UGT1A7: variants seen among roughly 807,000 people sequenced by gnomAD.
The protein encoded by UGT1A7 is UDP glucuronosyltransferase family 1 member A7, also known as UDP-glucuronosyltransferase 1A7.
UGT1A7 carries 33 observed loss-of-function variants against 45.6 expected under a neutral mutation model. The ratio of observed to expected loss-of-function variants is 0.72; its 90% CI spans 0.55 to 0.97. The LOEUF (loss-of-function observed/expected upper bound fraction) is 0.97, where lower values mean the gene tolerates loss of function less well. UGT1A7 is among the 50% of genes least tolerant of loss of function. The pLI, the probability that UGT1A7 is intolerant of heterozygous loss-of-function variation, is 0.00. For synonymous variants in UGT1A7, 274 were observed against 250.6 expected, an observed-to-expected ratio of 1.09 and a Z score of -0.88; for missense variants, 684 against 666.2, an observed-to-expected ratio of 1.03 and a Z score of -0.29.
In UGT1A7 at chr2:233,700,061, GGT is replaced by G. The variant is rs1575467362; in HGVS notation, c.855+17272_855+17273del. On this transcript the variant is annotated intron_variant, in intron 1 of 4. Transcript: ENST00000373426. ...TAAATCAATTCCAAGTGAATCCAGT[GGT>G]GTCTACCCAGCAAGGCCCCCAGCCT... is the stretch of plus-strand genomic sequence containing the variant. Among the ~76,000 whole-genome samples the G allele has an allele frequency of 2.0e-5, 3 of 152,318 alleles. No homozygotes were observed. The East Asian group carries it at 5.8e-4, about 29-fold the overall frequency.
intron 1 of UGT1A7, among the ~76,000 whole-genome samples, chr2:233,684,263 C>T (rs2074671170): frequency 6.6e-6 from 1 of 152,156 alleles, no homozygotes; most frequent in African/African-American, 2.4e-5. Context: ...AGTTGTAGGC[C>T]TTTCAAATGA....
chr2:233,686,301 G>T (rs1224924441), intron 1 of UGT1A7, among the ~76,000 whole-genome samples: 1 of 151,580 alleles, frequency 6.6e-6, no homozygotes, highest in African/African-American at 2.4e-5. Context: ...AGAAAAACAA[G>T]AGATAAATCT....
At chr2:233,720,108 G>A (rs372349841) in intron 1 of UGT1A7, among the ~76,000 whole-genome samples, 4 of 152,142 alleles carry the variant, frequency 2.6e-5, no homozygotes, top group South Asian at 4.2e-4. Flanking sequence ...CCCATCTTGC[G>A]AAAGATACAG....
rs140853103 is a variant in UGT1A7 at position 233,683,961 on chromosome 2, G to A, written c.855+1169G>A. On this transcript the variant is annotated intron_variant, in intron 1 of 4. Transcript: ENST00000373426. ...TGTTGGTCTAGCCAGCTTAAATTAG[G>A]ATTTGGTCACTTGCAATTGAAAAAG... Among the ~76,000 whole-genome samples the A allele has an allele frequency of 1.4e-4, 21 of 152,256 alleles. No homozygotes were observed. The South Asian group carries it at 3.1e-3, about 23-fold the overall frequency.
At chr2:233,685,347 A>G (rs1314303035) in intron 1 of UGT1A7, among the ~76,000 whole-genome samples, 1 of 152,136 alleles carries the variant, frequency 6.6e-6, no homozygotes, top group Non-Finnish European at 1.5e-5. Context: ...AGTGGTTTTA[A>G]TGAGAAAAAA....
At chr2:233,750,552 C>T (rs1256274617) in intron 1 of UGT1A7, 4 of 151,954 alleles carry the variant, frequency 2.6e-5, no homozygotes, top group Non-Finnish European at 5.9e-5. Context: ...ACATCAGAGA[C>T]CTTTGCAGCA....
chr2:233,697,612 GT>G (rs1286954926), intron 1 of UGT1A7, among the ~76,000 whole-genome samples: 1 of 149,670 alleles, frequency 6.7e-6, no homozygotes, highest in Non-Finnish European at 1.5e-5. Flanking sequence ...CTTCTACAAA[GT>G]TTGAGTTTGG....
chr2:233,755,562 G>A (rs185113714), intron 1 of UGT1A7: 366 of 159,838 alleles, frequency 2.3e-3, no homozygotes, highest in Non-Finnish European at 4.3e-3. Flanking sequence ...GGGAAAAAGA[G>A]GTTGGGGAAA....
intron 1 of UGT1A7, chr2:233,760,329 C>A (rs765814343): frequency 8.7e-6 from 14 of 1,613,970 alleles, no homozygotes; most frequent in South Asian, 1.1e-5. Flanking sequence ...TTGTCCTGGG[C>A]CTGCTGCTGT....
At chr2:233,751,100 G>T (rs895970679) in intron 1 of UGT1A7, among the ~76,000 whole-genome samples, 1 of 151,922 alleles carries the variant, frequency 6.6e-6, no homozygotes, top group Non-Finnish European at 1.5e-5. Flanking sequence ...GGAGGGCTTT[G>T]CCCTGCAAGC....
At position 233,764,985 on chromosome 2, in the gene UGT1A7, G is replaced by A. The variant is rs952012916; in HGVS notation, c.856-2049G>A. On this transcript the variant is annotated intron_variant, in intron 1 of 4. Coordinates refer to ENST00000373426, the MANE Select transcript of UGT1A7 (RefSeq NM_019077.3). ...TTGGGAGAAGGATGGTCAGTGTCTG[G>A]GGCTTTCCTGGTCATGTTCCAAATC... Among the ~76,000 whole-genome samples, 3 of 152,196 alleles carry A rather than the reference G, an allele frequency of 2.0e-5. No homozygotes were observed. In the South Asian group the frequency reaches 6.2e-4, roughly 32 times the overall value.
intron 1 of UGT1A7, among the ~76,000 whole-genome samples, chr2:233,739,350 G>A (rs1691066306): frequency 6.6e-6 from 1 of 152,146 alleles, no homozygotes; most frequent in South Asian, 2.1e-4. Flanking sequence ...ACCCAGAAGG[G>A]CAGATCCAAT....
intron 1 of UGT1A7, among the ~76,000 whole-genome samples, chr2:233,756,700 TG>T (rs1321231397): frequency 2.0e-5 from 3 of 152,278 alleles, no homozygotes; most frequent in South Asian, 2.1e-4. Flanking sequence ...CGATGAATTT[TG>T]GGGGGACTTT....
At chr2:233,751,513 GC>G (rs1314073844) in intron 1 of UGT1A7, among the ~76,000 whole-genome samples, 4 of 152,198 alleles carry the variant, frequency 2.6e-5, no homozygotes, top group African/African-American at 9.6e-5. Context: ...GGGCCAGAGG[GC>G]AGAATGATAT....
At chr2:233,754,817 C>A in intron 1 of UGT1A7, 1 of 1,330,844 alleles carries the variant, frequency 7.5e-7, no homozygotes, top group East Asian at 4.7e-5. Flanking sequence ...AAAAACCACC[C>A]TCAAAAGCTG....
chr2:233,750,659 G>C (rs1224813107), intron 1 of UGT1A7: 1 of 143,478 alleles, frequency 7.0e-6, no homozygotes, highest in Non-Finnish European at 1.5e-5. Context: ...AGGACTTGGT[G>C]CCCTGTGTCC....
chr2:233,682,325 G>A lies in UGT1A7; in HGVS notation c.388G>A (p.Asp130Asn). The A allele has an allele frequency of 6.2e-7, 1 of 1,614,044 alleles. No homozygotes were observed. Among genetic ancestry groups the A allele is most frequent in the Non-Finnish European group, 8.5e-7 (1 of 1,180,008 alleles). ...FFSNCRSLFN[D>N]RKLVEYLKES... ...TTCAAATTGCAGGAGTTTGTTTAAT[G>A]ACCGAAAATTAGTAGAATACTTAAA... Residue 130 changes from aspartate (D) to asparagine (N), a missense_variant, in exon 1 of 5, where the codon GAC (aspartate) becomes AAC (asparagine). Transcript: ENST00000373426.
intron 1 of UGT1A7, among the ~76,000 whole-genome samples, chr2:233,700,073 G>A (rs2075542288): frequency 6.6e-6 from 1 of 152,184 alleles, no homozygotes; most frequent in African/African-American, 2.4e-5. Context: ...TGTCTACCCA[G>A]CAAGGCCCCC....
At chr2:233,727,858 G>A (rs2077658593) in intron 1 of UGT1A7, among the ~76,000 whole-genome samples, 1 of 152,180 alleles carries the variant, frequency 6.6e-6, no homozygotes, top group Non-Finnish European at 1.5e-5. Flanking sequence ...TCCTCCCTAA[G>A]GGAAGCCTCA....
Sources: gnomAD v4.1 joint callset for allele counts (sites outside exome capture counted in the v4.1 genomes callset) on GRCh38, gnomAD v4.1.1 for gene constraint, MANE v1.5 for transcripts, NCBI Gene and HGNC (gene_info 2026-07-23, HGNC 2026-07-21) for gene names.